Variants in NLRP14 observed in about 807,000 individuals in gnomAD.
NLRP14 encodes NLR family pyrin domain containing 14.
NLRP14 carries 105 observed loss-of-function variants against 94.7 expected under a neutral mutation model. The observed-to-expected ratio is 1.11, with a 90% confidence interval of 0.95 to 1.30. The LOEUF (loss-of-function observed/expected upper bound fraction) is 1.30, where lower values mean the gene tolerates loss of function less well. NLRP14 is among the 50% of genes most tolerant of loss of function. NLRP14 has a pLI of 0.00. For synonymous variants in NLRP14, 508 were observed against 459.9 expected, an observed-to-expected ratio of 1.10 and a Z score of -1.34; for missense variants, 1,362 against 1,254.1, an observed-to-expected ratio of 1.09 and a Z score of -1.30.
At chr11:7,057,351 C>T (rs1409213225) in intron 6 of NLRP14, among the ~76,000 whole-genome samples, 3 of 151,976 alleles carry the variant, frequency 2.0e-5, no homozygotes, top group African/African-American at 4.8e-5. Flanking sequence ...TCATCCTTCA[C>T]GCCATATCTT....
chr11:7,045,587 T>C (rs1226791689), intron 4 of NLRP14, among the ~76,000 whole-genome samples: 1 of 152,102 alleles, frequency 6.6e-6, no homozygotes, highest in African/African-American at 2.4e-5. Flanking sequence ...GAAAGAATAA[T>C]TTATTATCCT....
chr11:7,034,674 T>C (rs558697776), intron 1 of NLRP14, among the ~76,000 whole-genome samples: 1 of 152,340 alleles, frequency 6.6e-6, no homozygotes, highest in South Asian at 2.1e-4. Flanking sequence ...TCTTCAAATA[T>C]TCATTGTGGT....
chr11:7,042,521 G>A lies in NLRP14; in HGVS notation c.495G>A (p.Leu165=). The A allele has an allele frequency of 6.2e-7, 1 of 1,614,230 alleles. No individual in the cohort carries two copies. The highest frequency in any genetic ancestry group is 8.5e-7 in the Non-Finnish European group (1 of 1,180,028). The change falls in exon 4 of 12, where the codon TTG becomes TTA. Residue 165 remains leucine, a synonymous_variant. Transcript: ENST00000299481. The stretch of plus-strand genomic sequence containing the variant: ...AAGATAGAAAACTGTTGGAACACTT[G>A]TTCGATGTGGATGTCAAAACCGGTG... ...AEKDRKLLEH[L]FDVDVKTGAQ... is the part of the protein sequence containing the mutation.
chr11:7,080,773 A>G, the NLRP14 span, among the ~76,000 whole-genome samples: 3 of 152,388 alleles, frequency 2.0e-5, no homozygotes, highest in African/African-American at 7.2e-5. Context: ...TTAAAGAAAG[A>G]GGAAAGAAAC....
At position 7,043,872 on chromosome 11, in the gene NLRP14, CTT is replaced by C. The variant is rs1565017415; in HGVS notation, c.1847_1848del (p.Leu616ArgfsTer7). 1 of 1,614,026 alleles carries C rather than the reference CTT, an allele frequency of 6.2e-7. No homozygotes were observed. Among genetic ancestry groups the C allele is most frequent in the Admixed American group, 1.7e-5 (1 of 60,016 alleles). ...AINICEKIHLLVSSFCLKHCR... is the reference protein window; with the variant it reads ...AINICEKIHLXVSSFCLKHCR... Reference sequence around the variant, plus strand: ...TAATATTTGTGAGAAAATACATTTGCTTGTATCTTCTTTCTGCCTTAAGCACT... The same window carrying C: ...TAATATTTGTGAGAAAATACATTTGCGTATCTTCTTTCTGCCTTAAGCACT... On this transcript the variant is annotated frameshift_variant, in exon 4 of 12. Transcript: ENST00000299481. LOFTEE classifies it high-confidence loss of function.
In NLRP14 at chr11:7,041,287, G is replaced by T. The variant is rs558513701; in HGVS notation, c.362-1101G>T. ...CAAAATGAGCTATTTTTTTAAAAAA[G>T]ATTCAAATGTTTTAAAATTACATAA... On this transcript the variant is annotated intron_variant, in intron 3 of 11. Transcript: ENST00000299481. Among the ~76,000 whole-genome samples, 7 of 152,068 alleles carry T rather than the reference G, an allele frequency of 4.6e-5. No individual in the cohort carries two copies. The East Asian group carries it at 1.4e-3, about 29-fold the overall frequency.
Position 7,059,949 on chromosome 11 carries a change from C to G in NLRP14, c.2689C>G (p.Leu897Val), listed in dbSNP as rs1290668534. ...LSSEYLSTSL[L>V]HNKSLTHLDL... ...CAGTGAATATCTGTCAACTTCTCTT[C>G]TACACAACAAGAGCCTGACGCATCT... is the stretch of plus-strand genomic sequence containing the variant. Residue 897 changes from leucine (L) to valine (V), a missense_variant, in exon 9 of 12, where the codon CTA becomes GTA. By Grantham distance (32) the Leu-to-Val change is conservative. Coordinates refer to ENST00000299481, the MANE Select transcript of NLRP14 (RefSeq NM_176822.4). 6.2e-7 allele frequency: 1 copy of G among 1,612,422 alleles called. No homozygotes were observed. The highest frequency in any genetic ancestry group is 1.3e-5 in the African/African-American group (1 of 74,818).
At chr11:7,089,105 C>G in the NLRP14 span, 63 of 1,610,832 alleles carry the variant, frequency 3.9e-5, no homozygotes, top group Non-Finnish European at 2.3e-5. Context: ...ACTGACCGAC[C>G]GTTCGACCGG....
At chr11:7,029,712 C>T (rs1367423852) in intron 1 of NLRP14, among the ~76,000 whole-genome samples, 1 of 152,194 alleles carries the variant, frequency 6.6e-6, no homozygotes, top group African/African-American at 2.4e-5. Context: ...TTAAGATGCA[C>T]ATACTCGTGA....
At chr11:7,065,378 T>G (rs897728097) in intron 10 of NLRP14, among the ~76,000 whole-genome samples, 1 of 152,052 alleles carries the variant, frequency 6.6e-6, no homozygotes, top group Non-Finnish European at 1.5e-5. Flanking sequence ...AACATAGGAG[T>G]TTTTAAAGTT....
chr11:7,045,134 A>T (rs1852329366), intron 4 of NLRP14, among the ~76,000 whole-genome samples: 1 of 152,196 alleles, frequency 6.6e-6, no homozygotes, highest in Non-Finnish European at 1.5e-5. Context: ...TTCTTATAAG[A>T]GCATACATTT....
At position 7,049,582 on chromosome 11, in the gene NLRP14, T is replaced by C. The variant is rs1005394482; in HGVS notation, c.2124-89T>C. 7.8e-6 allele frequency: 7 copies of C among 901,210 alleles called. No homozygotes were observed. In the African/African-American group the frequency reaches 9.8e-5, roughly 13 times the overall value. The allele number at this position is 901,210 out of a possible 1,614,324, so 55.8% of individuals were successfully genotyped here. A position where few individuals can be genotyped will look rare whatever the true frequency, so the allele number is the denominator to read the frequency against. On this transcript the variant is annotated intron_variant, in intron 5 of 11. Transcript: ENST00000299481. Reference sequence around the variant, plus strand: ...ATAAGATAAAAGAATATTCATGTAATATCCAAGAATTAGATTGAAAAGAAA... The same window carrying C: ...ATAAGATAAAAGAATATTCATGTAACATCCAAGAATTAGATTGAAAAGAAA...
chr11:7,035,021 A>C (rs1852141983), intron 1 of NLRP14, among the ~76,000 whole-genome samples: 1 of 152,100 alleles, frequency 6.6e-6, no homozygotes, highest in Non-Finnish European at 1.5e-5. Context: ...ACCATGGCTC[A>C]TGCCTGTCAC....
Position 7,032,718 on chromosome 11 carries a change from T to C in NLRP14, c.-21-5848T>C, listed in dbSNP as rs543887639. ...TTAGCCATTTGCTTTTTGCTTTTTT[T>C]CCCCTTCTATGAATAGGCTATTCAC... On this transcript the variant is annotated intron_variant, in intron 1 of 11. Transcript: ENST00000299481. Among the ~76,000 whole-genome samples, 14 of 152,052 alleles carry C rather than the reference T, an allele frequency of 9.2e-5. No homozygotes were observed. In the South Asian group the frequency reaches 1.0e-3, roughly 11 times the overall value.
rs1017568641 is a variant in NLRP14, at chr11:7,042,449, G to T, written c.423G>T (p.Lys141Asn). Reference sequence around the variant, plus strand: ...AATTTTGCATCACTTGGGACAAGAAGTCTTTGGCTGGAAAGCCTGAAGATT... The same window carrying T: ...AATTTTGCATCACTTGGGACAAGAATTCTTTGGCTGGAAAGCCTGAAGATT... ...KEKFCITWDKKSLAGKPEDFH... is the reference protein window; with the variant it reads ...KEKFCITWDKNSLAGKPEDFH... The change falls in exon 4 of 12, where the codon AAG becomes AAT. Residue 141 changes from lysine to asparagine, a missense_variant. By Grantham distance (94) the Lys-to-Asn change is moderately conservative. Coordinates refer to ENST00000299481, the MANE Select transcript of NLRP14 (RefSeq NM_176822.4). 7.4e-6 allele frequency: 12 copies of T among 1,613,830 alleles called. No homozygotes were observed. In the African/African-American group the frequency reaches 1.5e-4, roughly 20 times the overall value.
the NLRP14 span, among the ~76,000 whole-genome samples, chr11:7,080,427 C>G: frequency 6.6e-6 from 1 of 152,164 alleles, no homozygotes; most frequent in African/African-American, 2.4e-5. Flanking sequence ...TCACAGAACT[C>G]AAGAAAGTAC....
intron 1 of NLRP14, among the ~76,000 whole-genome samples, chr11:7,021,899 C>A (rs1291938816): frequency 6.6e-6 from 1 of 151,594 alleles, no homozygotes; most frequent in Non-Finnish European, 1.5e-5. Context: ...TTCTGCCACA[C>A]TGCTTCCAAC....
At chr11:7,090,577 G>A in the NLRP14 span, 289 of 474,556 alleles carry the variant, frequency 6.1e-4, no homozygotes, top group Non-Finnish European at 9.3e-4. Context: ...GTAGAAATTC[G>A]ATTAATGGCT....
At chr11:7,080,992 G>T in the NLRP14 span, among the ~76,000 whole-genome samples, 1 of 151,980 alleles carries the variant, frequency 6.6e-6, no homozygotes, top group Non-Finnish European at 1.5e-5. Flanking sequence ...AGGAGGGGAG[G>T]TTGTCTTGGG....
Sources: gnomAD v4.1 joint callset for allele counts (sites outside exome capture counted in the v4.1 genomes callset) on GRCh38, gnomAD v4.1.1 for gene constraint, MANE v1.5 for transcripts, NCBI Gene and HGNC (gene_info 2026-07-23, HGNC 2026-07-21) for gene names.